The following ZBTB4 variants were observed in gnomAD, a reference collection of about 807,000 sequenced individuals.
ZBTB4 encodes zinc finger and BTB domain containing 4.
A neutral mutation model predicts 59.8 loss-of-function variants in ZBTB4; 14 were observed. The ratio of observed to expected loss-of-function variants is 0.23; its 90% CI spans 0.15 to 0.37. The LOEUF (loss-of-function observed/expected upper bound fraction) is 0.37, where lower values mean the gene tolerates loss of function less well. Among genes scored for constraint, ZBTB4 ranks in the 10% least tolerant of loss-of-function variants. ZBTB4 has a pLI of 1.00. For synonymous variants in ZBTB4, 587 were observed against 575.2 expected, an observed-to-expected ratio of 1.02 and a Z score of -0.29; for missense variants, 1,198 against 1,380.8, an observed-to-expected ratio of 0.87 and a Z score of 2.10.
chr17:7,469,472 C>T (rs1405321782), intron 1 of ZBTB4, among the ~76,000 whole-genome samples: 2 of 151,004 alleles, frequency 1.3e-5, no homozygotes, highest in Non-Finnish European at 3.0e-5. Context: ...GGCCACTTTC[C>T]CTCTTTAAGG....
At chr17:7,467,093 G>A in intron 2 of ZBTB4, 164 bp downstream of exon 2, 1 of 908,052 alleles carries the variant, frequency 1.1e-6, no homozygotes, top group East Asian at 1.2e-4. Context: ...ACAGACTAGA[G>A]ATGTAAGTGA....
chr17:7,466,107 C>A lies in ZBTB4; in HGVS notation c.695G>T (p.Arg232Leu). Residue 232 changes from arginine to leucine, a missense_variant, in exon 3 of 4, where the codon CGG (arginine) becomes CTG (leucine). Transcript: ENST00000380599. This position sits in a 1 kb window ranked among gnomAD's most constrained non-coding sequence, Gnocchi z 9.1. The stretch of plus-strand genomic sequence containing the variant: ...TCCACACTGGGGGCAGGGGAGGGGC[C>A]GCCGGGGCAGGGAGCACTGCAAGTC... ...APDLQCSLPRRPLPCPQCGKS... is the reference protein window; with the variant it reads ...APDLQCSLPRLPLPCPQCGKS... 1.9e-6 allele frequency: 3 copies of A among 1,606,240 alleles called. No homozygotes were observed. The highest frequency in any genetic ancestry group is 2.2e-5 in the South Asian group (2 of 90,622).
rs766209459 is a variant in ZBTB4, at chr17:7,463,753, T to A, written c.1229A>T (p.Asn410Ile). ...TPNGGYKPKLNTLKLYRLLPM... is the reference protein window; with the variant it reads ...TPNGGYKPKLITLKLYRLLPM... Reference sequence around the variant, plus strand: ...GAGCAGGCGGTAGAGCTTGAGTGTATTGAGCTTGGGCTTGTAGCCTCCATT... The same window carrying A: ...GAGCAGGCGGTAGAGCTTGAGTGTAATGAGCTTGGGCTTGTAGCCTCCATT... The change falls in exon 4 of 4, where the codon AAT becomes ATT. Residue 410 changes from asparagine (N) to isoleucine (I), a missense_variant. Asn to Ile is a moderately radical substitution (Grantham distance 149, BLOSUM62 -3). This residue lies in a region of ZBTB4 where 60 missense variants were observed against 93.0 expected (regional missense o/e 0.64). Coordinates refer to ENST00000380599, the MANE Select transcript of ZBTB4 (RefSeq NM_001128833.2). 1 of 1,614,050 alleles carries A rather than the reference T, an allele frequency of 6.2e-7. No individual in the cohort carries two copies. The highest frequency in any genetic ancestry group is 1.7e-5 in the Admixed American group (1 of 60,034).
At chr17:7,478,601 C>A (rs909327858) in intron 1 of ZBTB4, among the ~76,000 whole-genome samples, 12 of 152,184 alleles carry the variant, frequency 7.9e-5, no homozygotes, top group African/African-American at 2.9e-4. Context: ...AGCATGCCAG[C>A]TCTGCAGAAA....
intron 1 of ZBTB4, among the ~76,000 whole-genome samples, chr17:7,470,080 C>CAAAA (rs1280321213): frequency 6.6e-6 from 1 of 151,794 alleles, no homozygotes; most frequent in Non-Finnish European, 1.5e-5. Context: ...GACTCTGTCT[C>CAAAA]AAAAAATAAA....
upstream of ZBTB4, chr17:7,482,716 C>G (rs772575316): frequency 1.2e-6 from 2 of 1,611,912 alleles, no homozygotes; most frequent in African/African-American, 1.3e-5. Flanking sequence ...TGCAGCCCCC[C>G]GTGTTGCCCA....
rs754025730 is a variant in ZBTB4 at position 7,463,037 on chromosome 17, C to T, written c.1945G>A (p.Glu649Lys). 28 of 1,609,334 alleles carry T rather than the reference C, an allele frequency of 1.7e-5. No homozygotes were observed. The highest frequency in any genetic ancestry group is 2.3e-5 in the Non-Finnish European group (27 of 1,178,204). The change falls in exon 4 of 4, where the codon GAG becomes AAG. Residue 649 changes from glutamate (E) to lysine (K), a missense_variant. This residue lies in a region of ZBTB4 where 550 missense variants were observed against 541.8 expected (regional missense o/e 1.02). Coordinates refer to ENST00000380599, the MANE Select transcript of ZBTB4 (RefSeq NM_001128833.2). ...GCCTTTGATTCCTCCTCATCCTCCT[C>T]CTCCTCCTCTTCGTCCTCCTCCTCT... Reference protein sequence around the residue: ...DEEEEDEEEEEEDEEESKAGG... With the variant: ...DEEEEDEEEEKEDEEESKAGG...
Position 7,463,341 on chromosome 17 carries a change from C to T in ZBTB4, c.1641G>A (p.Gly547=). ...ATAVSPATAA[G]PAMATTTEEA... ...CCTCCGTGGTGGTGGCCATGGCTGG[C>T]CCTGCAGCGGTGGCTGGGCTGACTG... is the stretch of plus-strand genomic sequence containing the variant. Residue 547 remains glycine, a synonymous_variant, in exon 4 of 4, where the codon GGG becomes GGA. Coordinates refer to ENST00000380599, the MANE Select transcript of ZBTB4 (RefSeq NM_001128833.2). 6.2e-7 allele frequency: 1 copy of T among 1,607,010 alleles called. No homozygotes were observed. The highest frequency in any genetic ancestry group is 8.5e-7 in the Non-Finnish European group (1 of 1,177,014).
chr17:7,461,869 C>A lies in ZBTB4; in HGVS notation c.*71G>T, dbSNP rs2150847912. The A allele has an allele frequency of 7.2e-7, 1 of 1,397,576 alleles. No homozygotes were observed. The highest frequency in any genetic ancestry group is 1.4e-5 in the South Asian group (1 of 70,410). 86.6% of individuals were successfully genotyped at this position (1,397,576 alleles called of 1,614,324 possible). Reference sequence around the variant, plus strand: ...AAGGGGCTCCCAAGGGGCAGGGAGGCCAGGGAGCTGGTAGTGGTGGGGGGT... The same window carrying A: ...AAGGGGCTCCCAAGGGGCAGGGAGGACAGGGAGCTGGTAGTGGTGGGGGGT... On this transcript the variant is annotated 3_prime_UTR_variant, in exon 4 of 4. Transcript: ENST00000380599.
upstream of ZBTB4, among the ~76,000 whole-genome samples, chr17:7,481,804 C>T (rs930420567): frequency 6.6e-6 from 1 of 152,152 alleles, no homozygotes; most frequent in Non-Finnish European, 1.5e-5. Context: ...GCTTCCTGCT[C>T]CAGGCCCACA....
Position 7,466,208 on chromosome 17 carries a change from A to G in ZBTB4, c.594T>C (p.Pro198=). The change falls in exon 3 of 4, where the codon CCT becomes CCC. Residue 198 remains proline, a synonymous_variant. Coordinates refer to ENST00000380599, the MANE Select transcript of ZBTB4 (RefSeq NM_001128833.2). This position sits in a 1 kb window ranked among gnomAD's most constrained non-coding sequence, Gnocchi z 9.1. The part of the protein sequence containing the change: ...PTPAPMATSQ[P]EEDSFGPGPR... ...GCCCGGGCCCAAAGCTGTCCTCTTC[A>G]GGCTGCGAGGTGGCCATGGGGGCTG... 1 of 1,613,460 alleles carries G rather than the reference A, an allele frequency of 6.2e-7. No homozygotes were observed. The highest frequency in any genetic ancestry group is 8.5e-7 in the Non-Finnish European group (1 of 1,179,938).
chr17:7,473,182 GGCTCACTGCAA>G (rs1043034474), intron 1 of ZBTB4, among the ~76,000 whole-genome samples: 17 of 145,480 alleles, frequency 1.2e-4, no homozygotes, highest in African/African-American at 4.4e-4. Context: ...GTGCGATCTT[GGCTCACTGCAA>G]GCTCCGCCTC....
intron 1 of ZBTB4, among the ~76,000 whole-genome samples, chr17:7,467,539 G>C (rs148185366): frequency 1.9e-4 from 29 of 152,288 alleles, no homozygotes; most frequent in Non-Finnish European, 4.0e-4. Context: ...AGGTCACGCA[G>C]ATTATTGCAG....
In ZBTB4 at chr17:7,461,660, G is replaced by T. The variant is rs2070022215; in HGVS notation, c.*280C>A. 1 of 361,394 alleles carries T rather than the reference G, an allele frequency of 2.8e-6. No homozygotes were observed. The highest frequency in any genetic ancestry group is 5.0e-6 in the Non-Finnish European group (1 of 200,090). 22.4% of individuals were successfully genotyped at this position (361,394 alleles called of 1,614,324 possible). On this transcript the variant is annotated 3_prime_UTR_variant, in exon 4 of 4. Transcript: ENST00000380599. Reference sequence around the variant, plus strand: ...AGATTCAGGTTAAGTATATTGCTCAGTTGCCCCAAGGGCTGGAGAAGGGAT... The same window carrying T: ...AGATTCAGGTTAAGTATATTGCTCATTTGCCCCAAGGGCTGGAGAAGGGAT...
At chr17:7,468,698 C>T (rs1287268450) in intron 1 of ZBTB4, among the ~76,000 whole-genome samples, 2 of 152,180 alleles carry the variant, frequency 1.3e-5, no homozygotes, top group Non-Finnish European at 2.9e-5. Context: ...CCGTGGGCCA[C>T]GTGTCTTCAG....
chr17:7,474,935 C>T (rs867675272), intron 1 of ZBTB4, among the ~76,000 whole-genome samples: 12 of 145,176 alleles, frequency 8.3e-5, no homozygotes, highest in South Asian at 4.4e-4. Flanking sequence ...TTGCTTGAAC[C>T]GGGGAGGTGG....
At chr17:7,480,715 G>A (rs1171691729), upstream of ZBTB4, among the ~76,000 whole-genome samples, 2 of 151,084 alleles carry the variant, frequency 1.3e-5, no homozygotes, top group Non-Finnish European at 2.9e-5. Flanking sequence ...GACAGACTCC[G>A]TCTCAAAAAA....
At chr17:7,476,803 G>A (rs1346348326) in intron 1 of ZBTB4, among the ~76,000 whole-genome samples, 1 of 152,202 alleles carries the variant, frequency 6.6e-6, no homozygotes, top group Non-Finnish European at 1.5e-5. Context: ...CGGGTCTTCT[G>A]AAATGGACTG....
chr17:7,480,581 G>A (rs990284487), upstream of ZBTB4, among the ~76,000 whole-genome samples: 2 of 152,060 alleles, frequency 1.3e-5, no homozygotes, highest in African/African-American at 2.4e-5. Context: ...TTAGCCGGGC[G>A]TGGTGGCGGG....
Sources: allele counts gnomAD v4.1 joint callset (sites outside exome capture counted in the v4.1 genomes callset), GRCh38; gene constraint gnomAD v4.1.1; regional missense constraint gnomAD v4.1.1; non-coding constraint Gnocchi (gnomAD v3.1); transcripts MANE v1.5; gene names NCBI Gene and HGNC (gene_info 2026-07-23, HGNC 2026-07-21).